The following CDC42EP3 variants were observed in gnomAD, a reference collection of about 807,000 sequenced individuals.
The protein encoded by CDC42EP3 is CDC42 effector protein 3, also known as CDC42 effector protein (Rho GTPase binding) 3.
A neutral mutation model predicts 15.5 loss-of-function variants in CDC42EP3; 4 were observed. That is an observed-to-expected ratio of 0.26 (90% CI 0.13 to 0.59). The LOEUF is 0.59. Among genes scored for constraint, CDC42EP3 ranks in the 20% least tolerant of loss-of-function variants. The probability of loss-of-function intolerance (pLI) is 0.89; values close to 1 mark genes in which losing one functional copy is unlikely to be tolerated. For synonymous variants in CDC42EP3, 145 were observed against 130.3 expected, an observed-to-expected ratio of 1.11 and a Z score of -0.77; for missense variants, 309 against 311.2, an observed-to-expected ratio of 0.99 and a Z score of 0.05.
intron 1 of CDC42EP3, among the ~76,000 whole-genome samples, chr2:37,659,122 T>C (rs918791017): frequency 1.3e-5 from 2 of 152,200 alleles, no homozygotes; most frequent in South Asian, 2.1e-4. Context: ...CCACTACTTA[T>C]TTAACTCTTC....
At chr2:37,650,866 A>C (rs1665651622) in intron 1 of CDC42EP3, among the ~76,000 whole-genome samples, 1 of 152,236 alleles carries the variant, frequency 6.6e-6, no homozygotes, top group Non-Finnish European at 1.5e-5. Context: ...GCAGTGGGGC[A>C]ATATCTATCA....
rs187088959 is a variant in CDC42EP3 at position 37,663,479 on chromosome 2, T to G, written c.-236+7947A>C. ...CTAAGTGGACACATGGGTGCCAAGT[T>G]GCCTCAGTCACTCCCAGGGCACGAG... is the stretch of plus-strand genomic sequence containing the variant. On this transcript the variant is annotated intron_variant, in intron 1 of 1. Coordinates refer to ENST00000295324, the MANE Select transcript of CDC42EP3 (RefSeq NM_006449.5). Among the ~76,000 whole-genome samples, 5 of 152,336 alleles carry G rather than the reference T, an allele frequency of 3.3e-5. No homozygotes were observed. The East Asian group carries it at 9.6e-4, about 29-fold the overall frequency.
intron 1 of CDC42EP3, among the ~76,000 whole-genome samples, chr2:37,668,260 C>G (rs1468995111): frequency 6.6e-6 from 1 of 152,158 alleles, no homozygotes; most frequent in Non-Finnish European, 1.5e-5. Context: ...TGTACTATCT[C>G]TCTCAAAGAA....
In CDC42EP3 at chr2:37,646,295, G is replaced by A. The variant is rs564043716; in HGVS notation, c.293C>T (p.Thr98Met). ...GGCATTTTTGAGCACCGGGGAGGGC[G>A]TTTCTGTGAACACAGAGTCCGAGGT... ...NSTSDSVFTETPSPVLKNAIS... is the reference protein window; with the variant it reads ...NSTSDSVFTEMPSPVLKNAIS... Residue 98 changes from threonine (T) to methionine (M), a missense_variant, in exon 2 of 2, where the codon ACG (threonine) becomes ATG (methionine). Thr to Met is a moderately conservative substitution (Grantham distance 81). Transcript: ENST00000295324. The A allele has an allele frequency of 1.9e-5, 30 of 1,614,166 alleles. No homozygotes were observed. The East Asian group carries it at 4.2e-4, about 23-fold the overall frequency.
In CDC42EP3 at chr2:37,642,722, T is replaced by A. The variant is rs746479020; in HGVS notation, c.*3101A>T. On this transcript the variant is annotated 3_prime_UTR_variant, in exon 2 of 2. Coordinates refer to ENST00000295324, the MANE Select transcript of CDC42EP3 (RefSeq NM_006449.5). Reference sequence around the variant, plus strand: ...TTTATCAAGTTAATTTATGGACTTATGGATTTTTTCCATTCCAGGACTTCA... The same window carrying A: ...TTTATCAAGTTAATTTATGGACTTAAGGATTTTTTCCATTCCAGGACTTCA... The A allele has an allele frequency of 1.3e-5, 2 of 152,258 alleles. No homozygotes were observed. The highest frequency in any genetic ancestry group is 2.4e-5 in the African/African-American group (1 of 41,462). The allele number at this position is 152,258 out of a possible 1,614,324, so 9.4% of individuals were successfully genotyped here. A position where few individuals can be genotyped will look rare whatever the true frequency, so the allele number is the denominator to read the frequency against.
At chr2:37,665,023 C>T (rs950164436) in intron 1 of CDC42EP3, among the ~76,000 whole-genome samples, 1 of 152,016 alleles carries the variant, frequency 6.6e-6, no homozygotes, top group African/African-American at 2.4e-5. Context: ...ATGAGTTTAC[C>T]TCCGTAACAA....
At chr2:37,657,863 C>T (rs1665928951) in intron 1 of CDC42EP3, among the ~76,000 whole-genome samples, 1 of 152,162 alleles carries the variant, frequency 6.6e-6, no homozygotes, top group Non-Finnish European at 1.5e-5. Context: ...AAACATCCTA[C>T]AGTGTACAGG....
intron 1 of CDC42EP3, among the ~76,000 whole-genome samples, chr2:37,666,277 C>T (rs1666247478): frequency 1.3e-5 from 2 of 152,210 alleles, no homozygotes; most frequent in Admixed American, 1.3e-4. Context: ...GACACGACCT[C>T]CCTGTGGAGA....
At chr2:37,651,813 G>A (rs1236021418) in intron 1 of CDC42EP3, among the ~76,000 whole-genome samples, 1 of 152,190 alleles carries the variant, frequency 6.6e-6, no homozygotes, top group Non-Finnish European at 1.5e-5. Flanking sequence ...GACACACACA[G>A]ATAACCTTTG....
At chr2:37,657,319 C>A (rs538040074) in intron 1 of CDC42EP3, among the ~76,000 whole-genome samples, 91 of 152,302 alleles carry the variant, frequency 6.0e-4, no homozygotes, top group African/African-American at 2.0e-3. Flanking sequence ...CGTAATCCAA[C>A]CTTGCTACTG....
In CDC42EP3 at chr2:37,655,964, G is replaced by T. The variant is rs548901061; in HGVS notation, c.-235-9142C>A. ...TGATCCCAAATAATAAGCTGACACT[G>T]TCCAGAAATTCAGATTATGGTCATT... On this transcript the variant is annotated intron_variant, in intron 1 of 1. Coordinates refer to ENST00000295324, the MANE Select transcript of CDC42EP3 (RefSeq NM_006449.5). Among the ~76,000 whole-genome samples the T allele has an allele frequency of 2.6e-4, 40 of 152,334 alleles. 1 individual carries two copies. The South Asian group carries it at 7.7e-3, about 29-fold the overall frequency.
intron 1 of CDC42EP3, among the ~76,000 whole-genome samples, chr2:37,649,996 A>C (rs1377533930): frequency 6.6e-6 from 1 of 152,194 alleles, no homozygotes; most frequent in Admixed American, 6.5e-5. Context: ...TATAGAAAAA[A>C]ATAATTTGAA....
intron 1 of CDC42EP3, among the ~76,000 whole-genome samples, chr2:37,667,276 C>T (rs1666277394): frequency 6.6e-6 from 1 of 152,252 alleles, no homozygotes; most frequent in South Asian, 2.1e-4. Context: ...AGCTCCTCTT[C>T]TGCTGAGTTC....
chr2:37,670,061 C>G (rs543707767), intron 1 of CDC42EP3, among the ~76,000 whole-genome samples: 2 of 152,260 alleles, frequency 1.3e-5, no homozygotes, highest in South Asian at 4.2e-4. Context: ...AGAGAAGGTA[C>G]ATTTCCTGGT....
chr2:37,666,673 A>C (rs186010086), intron 1 of CDC42EP3, among the ~76,000 whole-genome samples: 181 of 152,312 alleles, frequency 1.2e-3, no homozygotes, highest in African/African-American at 4.3e-3. Flanking sequence ...TAATCTTTTA[A>C]ATCTCAGCAT....
In CDC42EP3 at chr2:37,645,472, T is replaced by TC; in HGVS notation, c.*350dup. On this transcript the variant is annotated 3_prime_UTR_variant, in exon 2 of 2. Transcript: ENST00000295324. ...AGAAAATGTCGGAGTGCTATAAAGT[T>TC]CCGTGAAGTTCCTTAATGTGACTCG... 1 of 176,598 alleles carries TC rather than the reference T, an allele frequency of 5.7e-6. No individual in the cohort carries two copies. The highest frequency in any genetic ancestry group is 1.2e-5 in the Non-Finnish European group (1 of 84,336). The allele number at this position is 176,598 out of a possible 1,614,324, so 10.9% of individuals were successfully genotyped here.
At chr2:37,666,846 G>A (rs181857834) in intron 1 of CDC42EP3, among the ~76,000 whole-genome samples, 41 of 150,124 alleles carry the variant, frequency 2.7e-4, no homozygotes, top group Admixed American at 1.5e-3. Flanking sequence ...AAACACACCT[G>A]ACTATTGCTT....
chr2:37,642,459 A>T lies in CDC42EP3; in HGVS notation c.*3364T>A, dbSNP rs1055955597. 6.6e-6 allele frequency: 1 copy of T among 152,194 alleles called. No homozygotes were observed. The highest frequency in any genetic ancestry group is 1.5e-5 in the Non-Finnish European group (1 of 68,038). The allele number at this position is 152,194 out of a possible 1,614,324, so 9.4% of individuals were successfully genotyped here. On this transcript the variant is annotated 3_prime_UTR_variant, in exon 2 of 2. Coordinates refer to ENST00000295324, the MANE Select transcript of CDC42EP3 (RefSeq NM_006449.5). ...GACTTGCCTAAGAAAAAATAAGTCAATCATTCAGATTAATCTGGGAGGCTA... is the reference window on the plus strand; with the variant it reads ...GACTTGCCTAAGAAAAAATAAGTCATTCATTCAGATTAATCTGGGAGGCTA...
At chr2:37,658,197 A>G (rs906072495) in intron 1 of CDC42EP3, among the ~76,000 whole-genome samples, 1 of 152,230 alleles carries the variant, frequency 6.6e-6, no homozygotes, top group Non-Finnish European at 1.5e-5. Flanking sequence ...ACTTAAGTCC[A>G]GACCAGTGCT....
Sources: allele counts gnomAD v4.1 joint callset (sites outside exome capture counted in the v4.1 genomes callset), GRCh38; gene constraint gnomAD v4.1.1; transcripts MANE v1.5; gene names NCBI Gene and HGNC (gene_info 2026-07-23, HGNC 2026-07-21).